The following ZFP64 variants were observed in gnomAD, a reference collection of about 807,000 sequenced individuals.
The protein encoded by ZFP64 is zinc finger protein 64.
A neutral mutation model predicts 51.6 loss-of-function variants in ZFP64; 14 were observed. That is an observed-to-expected ratio of 0.27 (90% CI 0.18 to 0.42). The LOEUF is 0.42. Ranked by LOEUF, ZFP64 falls within the 10% of genes least tolerant of loss-of-function variation. ZFP64 has a pLI of 1.00. For synonymous variants in ZFP64, 375 were observed against 361.4 expected (o/e 1.04, Z -0.43); for missense variants, 754 against 906.8 (o/e 0.83, Z 2.16).
At chr20:52,105,249 C>T (rs976684252) in intron 5 of ZFP64, 9 of 1,331,486 alleles carry the variant, frequency 6.8e-6, no homozygotes, top group South Asian at 2.2e-5. Context: ...GCGCGAGGAC[C>T]GGGCTCCCCG....
intron 5 of ZFP64, among the ~76,000 whole-genome samples, chr20:52,122,503 CAAA>C (rs71192596): frequency 1.8e-4 from 16 of 91,106 alleles, no homozygotes; most frequent in Non-Finnish European, 1.8e-4. Context: ...GACTCCGTCT[CAAA>C]AAAAAAAAAA....
Position 52,153,161 on chromosome 20 carries a change from T to C in ZFP64, c.1031A>G (p.Lys344Arg). The change falls in exon 6 of 6, where the codon AAG (lysine) becomes AGG (arginine). Residue 344 changes from lysine (K) to arginine (R), a missense_variant. By Grantham distance (26) the Lys-to-Arg change is conservative (BLOSUM62 2). Around this residue, in one of 3 missense-constraint regions of ZFP64, gnomAD observed 428 missense variants for 472.4 expected, o/e 0.91. Coordinates refer to ENST00000216923, the MANE Select transcript of ZFP64 (RefSeq NM_018197.3). The surrounding 1 kb of genome is among the most constrained non-coding windows in gnomAD (Gnocchi z 5.1). ...SRVHQSEHPE[K>R]CSECSYSCSS... is the part of the protein sequence containing the mutation. ...GCAGGAGTAGCTGCATTCCGAGCAC[T>C]TCTCAGGATGCTCCGACTGGTGCAC... 7 of 1,614,210 alleles carry C rather than the reference T, an allele frequency of 4.3e-6. No homozygotes were observed. Among genetic ancestry groups the C allele is most frequent in the Non-Finnish European group, 5.9e-6 (7 of 1,180,032 alleles).
intron 2 of ZFP64, among the ~76,000 whole-genome samples, chr20:52,177,295 C>T (rs1983298037): frequency 6.6e-6 from 1 of 152,166 alleles, no homozygotes; most frequent in Admixed American, 6.5e-5. Flanking sequence ...CCACTCTAGT[C>T]CCTTTAACGA....
intron 5 of ZFP64, chr20:52,098,683 A>C (rs2079018569): frequency 1.3e-6 from 2 of 1,500,326 alleles, no homozygotes; most frequent in South Asian, 2.5e-5. Context: ...ACCTCCCTTC[A>C]CCTTTCCAGA....
intron 5 of ZFP64, chr20:52,098,709 A>G: frequency 7.5e-7 from 1 of 1,334,666 alleles, no homozygotes; most frequent in African/African-American, 1.5e-5. Context: ...TTTAAAAAAA[A>G]TGAAAGCCAT....
intron 5 of ZFP64, among the ~76,000 whole-genome samples, chr20:52,116,339 T>G (rs1978871057): frequency 6.6e-6 from 1 of 152,040 alleles, no homozygotes; most frequent in Non-Finnish European, 1.5e-5. Context: ...TTTCCCCATG[T>G]TGGCCAGGCT....
At chr20:52,090,659 C>T (rs893672074) in intron 7 of ZFP64, among the ~76,000 whole-genome samples, 1 of 151,886 alleles carries the variant, frequency 6.6e-6, no homozygotes, top group Non-Finnish European at 1.5e-5. Context: ...ATTAGCTGGG[C>T]TTGGTGATGC....
At chr20:52,143,996 A>G (rs1393843261) in intron 5 of ZFP64, among the ~76,000 whole-genome samples, 3 of 143,448 alleles carry the variant, frequency 2.1e-5, no homozygotes, top group Non-Finnish European at 4.7e-5. Flanking sequence ...AATTTATTTC[A>G]GCATTCCTGA....
At chr20:52,120,671 T>TC (rs1979142319) in intron 5 of ZFP64, among the ~76,000 whole-genome samples, 1 of 127,924 alleles carries the variant, frequency 7.8e-6, no homozygotes. Context: ...AGTGATCTTT[T>TC]TTTTTTTTTT....
intron 5 of ZFP64, among the ~76,000 whole-genome samples, chr20:52,127,462 T>C (rs1979501142): frequency 6.6e-6 from 1 of 152,040 alleles, no homozygotes; most frequent in Non-Finnish European, 1.5e-5. Flanking sequence ...TGATAGTGAG[T>C]TCTCACAAGA....
At chr20:52,136,327 G>C (rs1979981456) in intron 5 of ZFP64, among the ~76,000 whole-genome samples, 1 of 152,044 alleles carries the variant, frequency 6.6e-6, no homozygotes, top group Non-Finnish European at 1.5e-5. Flanking sequence ...CATCAATGTT[G>C]AGAAGGCAAG....
chr20:52,115,197 C>CAAA (rs11484315), intron 5 of ZFP64, among the ~76,000 whole-genome samples: 11 of 90,014 alleles, frequency 1.2e-4, no homozygotes, highest in East Asian at 3.7e-4. Flanking sequence ...GAGTGAGTCT[C>CAAA]AAAAAAAAAA....
intron 7 of ZFP64, chr20:52,089,146 T>G: frequency 2.4e-6 from 1 of 421,936 alleles, no homozygotes; most frequent in Admixed American, 2.8e-5. Context: ...CCCAGAACAC[T>G]TCCATCCAGC....
chr20:52,117,081 GCACA>G (rs74600972), intron 5 of ZFP64, among the ~76,000 whole-genome samples: 1 of 150,680 alleles, frequency 6.6e-6, no homozygotes, highest in African/African-American at 2.4e-5. Context: ...ACACACACAC[GCACA>G]CACACACACA....
intron 5 of ZFP64, among the ~76,000 whole-genome samples, chr20:52,107,327 C>T (rs1334769527): frequency 6.6e-6 from 1 of 152,036 alleles, no homozygotes; most frequent in Admixed American, 6.6e-5. Context: ...TATTACTGGC[C>T]TATTGTTAGC....
At chr20:52,124,987 G>A (rs1385012253) in intron 5 of ZFP64, among the ~76,000 whole-genome samples, 5 of 152,148 alleles carry the variant, frequency 3.3e-5, no homozygotes, top group Admixed American at 1.3e-4. Flanking sequence ...CAGAGGGAAC[G>A]AAGGCATTTG....
chr20:52,166,962 T>G (rs1982327136), intron 2 of ZFP64, among the ~76,000 whole-genome samples: 1 of 151,600 alleles, frequency 6.6e-6, no homozygotes, highest in Non-Finnish European at 1.5e-5. Context: ...CTCAAAAAAT[T>G]CCTTGTACTC....
At chr20:52,181,860 T>C (rs1157206315) in intron 2 of ZFP64, among the ~76,000 whole-genome samples, 1 of 151,988 alleles carries the variant, frequency 6.6e-6, no homozygotes, top group African/African-American at 2.4e-5. Flanking sequence ...TGAAGCACAA[T>C]AGGAGGAATT....
At chr20:52,117,821 C>T (rs77159737) in intron 5 of ZFP64, 6,446 of 392,520 alleles carry the variant, frequency 0.016, 399 homozygotes, top group African/African-American at 0.12. Context: ...GAGTCTCCCT[C>T]TGCTTGTTCT....
Sources: gnomAD v4.1 joint callset for allele counts (sites outside exome capture counted in the v4.1 genomes callset) on GRCh38, gnomAD v4.1.1 for gene constraint, gnomAD v4.1.1 regional missense constraint, Gnocchi (gnomAD v3.1) non-coding constraint, MANE v1.5 for transcripts, NCBI Gene and HGNC (gene_info 2026-07-23, HGNC 2026-07-21) for gene names.